The following PRDM5 variants were observed in gnomAD, a reference collection of about 807,000 sequenced individuals.
The protein encoded by PRDM5 is PR/SET domain 5.
Under a neutral mutation model 81.2 loss-of-function variants are expected in PRDM5, and 56 were observed. The observed-to-expected ratio is 0.69, with a 90% confidence interval of 0.56 to 0.86. PRDM5 has a LOEUF of 0.86. Ranked by LOEUF, PRDM5 falls within the 40% of genes least tolerant of loss-of-function variation. The pLI is 0.00. For synonymous variants in PRDM5, 267 were observed against 256.4 expected, an observed-to-expected ratio of 1.04 and a Z score of -0.39; for missense variants, 697 against 770.1, an observed-to-expected ratio of 0.91 and a Z score of 1.12.
Position 120,699,171 on chromosome 4 carries a change from T to A in PRDM5, c.1729-3896A>T, listed in dbSNP as rs1384945771. ...ATTATAGGAAATATAAATATATATA[T>A]ATATATATATATATATATATATATA... is the stretch of plus-strand genomic sequence containing the variant. On this transcript the variant is annotated intron_variant, in intron 15 of 15. Transcript: ENST00000264808. Among the ~76,000 whole-genome samples the A allele has an allele frequency of 8.8e-4, 27 of 30,714 alleles. No individual in the cohort carries two copies. The East Asian group carries it at 0.036, about 41-fold the overall frequency. The allele number at this position is 30,714 out of a possible 152,430, so 20.1% of individuals were successfully genotyped here. A position where few individuals can be genotyped will look rare whatever the true frequency, so the allele number is the denominator to read the frequency against.
chr4:120,922,048 T>C (rs904291822), intron 1 of PRDM5, among the ~76,000 whole-genome samples: 3 of 152,184 alleles, frequency 2.0e-5, no homozygotes, highest in African/African-American at 7.2e-5. Flanking sequence ...CATGGAAAGT[T>C]AGGCGTTTCT....
intron 1 of PRDM5, among the ~76,000 whole-genome samples, chr4:120,915,480 A>C (rs375705756): frequency 0.062 from 9,299 of 151,148 alleles, 366 homozygotes; most frequent in East Asian, 0.15. Context: ...GAACAAAGAG[A>C]CTTCCTCAGT....
At chr4:120,789,765 T>C (rs1176771025) in intron 10 of PRDM5, among the ~76,000 whole-genome samples, 1 of 152,124 alleles carries the variant, frequency 6.6e-6, no homozygotes, top group East Asian at 1.9e-4. Context: ...CAAAATAAAT[T>C]GAAACTGGAA....
At chr4:120,816,789 C>T in intron 6 of PRDM5, 43 bp downstream of exon 6, 1 of 1,567,362 alleles carries the variant, frequency 6.4e-7, no homozygotes, top group Non-Finnish European at 8.8e-7. Context: ...CAAAAAATGA[C>T]CCACAATTAT....
At chr4:120,772,721 G>A (rs1747476239) in intron 13 of PRDM5, among the ~76,000 whole-genome samples, 1 of 152,118 alleles carries the variant, frequency 6.6e-6, no homozygotes, top group Non-Finnish European at 1.5e-5. Context: ...ATTGGCCAGG[G>A]GGCCCTTCAA....
intron 14 of PRDM5, among the ~76,000 whole-genome samples, chr4:120,722,606 T>C (rs962683502): frequency 6.6e-6 from 1 of 152,094 alleles, no homozygotes; most frequent in Non-Finnish European, 1.5e-5. Context: ...TGGTCTGAGG[T>C]ATGGCCTGGG....
At chr4:120,873,296 G>T (rs927426367) in intron 2 of PRDM5, among the ~76,000 whole-genome samples, 1 of 151,976 alleles carries the variant, frequency 6.6e-6, no homozygotes, top group Non-Finnish European at 1.5e-5. Flanking sequence ...GAGCCACCAC[G>T]CCCTGACCAC....
chr4:120,725,947 G>A (rs1478502367), intron 14 of PRDM5, among the ~76,000 whole-genome samples: 1 of 151,984 alleles, frequency 6.6e-6, no homozygotes, highest in East Asian at 1.9e-4. Context: ...CATCCCACTG[G>A]CAGAACAAGC....
rs1488264951 is a variant in PRDM5 at position 120,888,025 on chromosome 4, C to T, written c.177+19449G>A. Among the ~76,000 whole-genome samples, 2 of 56,142 alleles carry T rather than the reference C, an allele frequency of 3.6e-5. 1 individual carries two copies. Among genetic ancestry groups the T allele is most frequent in the Non-Finnish European group, 6.3e-5 (2 of 31,968 alleles). The allele number at this position is 56,142 out of a possible 152,430, so 36.8% of individuals were successfully genotyped here. A position where few individuals can be genotyped will look rare whatever the true frequency, so the allele number is the denominator to read the frequency against. ...GCCGGGATGGTCTCGATCTCCTGAC[C>T]TCGTGATCCGCCCGCCTCGGCCTCC... On this transcript the variant is annotated intron_variant, in intron 2 of 15. Coordinates refer to ENST00000264808, the MANE Select transcript of PRDM5 (RefSeq NM_018699.4).
chr4:120,717,902 C>CA (rs1738029004), intron 14 of PRDM5, among the ~76,000 whole-genome samples: 1 of 132,196 alleles, frequency 7.6e-6, no homozygotes, highest in African/African-American at 2.7e-5. Flanking sequence ...AAAGGTGTCA[C>CA]AAAATCATAG....
chr4:120,805,856 A>G (rs1652046121), intron 8 of PRDM5, among the ~76,000 whole-genome samples: 1 of 152,172 alleles, frequency 6.6e-6, no homozygotes, highest in Non-Finnish European at 1.5e-5. Context: ...GGCCAGGGCA[A>G]TCAGGCAGGA....
intron 14 of PRDM5, among the ~76,000 whole-genome samples, chr4:120,734,587 A>G (rs565264706): frequency 7.2e-5 from 11 of 152,192 alleles, no homozygotes; most frequent in Middle Eastern, 6.8e-3. Context: ...AGAGCATGTG[A>G]TTTTTCCCAG....
At chr4:120,844,314 T>C (rs1489084823) in intron 3 of PRDM5, among the ~76,000 whole-genome samples, 2 of 152,218 alleles carry the variant, frequency 1.3e-5, no homozygotes, top group Non-Finnish European at 2.9e-5. Context: ...CTTTGTTTAC[T>C]TGCACTTTGC....
chr4:120,895,883 C>G (rs1340767270), intron 2 of PRDM5, among the ~76,000 whole-genome samples: 2 of 152,160 alleles, frequency 1.3e-5, no homozygotes, highest in Non-Finnish European at 2.9e-5. Context: ...TTGTTGCAAT[C>G]TCTTCCCTGA....
At chr4:120,911,205 T>A (rs549119180) in intron 1 of PRDM5, among the ~76,000 whole-genome samples, 39 of 152,340 alleles carry the variant, frequency 2.6e-4, no homozygotes, top group African/African-American at 9.1e-4. Context: ...TGAATGTTGC[T>A]GTATCACCAT....
intron 2 of PRDM5, among the ~76,000 whole-genome samples, chr4:120,887,299 T>G (rs112507080): frequency 6.6e-6 from 1 of 152,102 alleles, no homozygotes; most frequent in Non-Finnish European, 1.5e-5. Flanking sequence ...GTTAGTTACC[T>G]TCAACACACA....
chr4:120,904,200 AAAAAAC>A lies in PRDM5; in HGVS notation c.177+3268_177+3273del, dbSNP rs1441654353. The stretch of plus-strand genomic sequence containing the variant: ...GGGAGACTCCTTCTCAAAAAAAAAA[AAAAAAC>A]AAAAAAACCTCCTTCCTTTATAAAT... On this transcript the variant is annotated intron_variant, in intron 2 of 15. Coordinates refer to ENST00000264808, the MANE Select transcript of PRDM5 (RefSeq NM_018699.4). 2.1e-3 allele frequency among the ~76,000 whole-genome samples: 302 copies of A among 146,120 alleles called. 12 individuals carry two copies. Among genetic ancestry groups the A allele is most frequent in the African/African-American group, 7.1e-3 (279 of 39,466 alleles).
chr4:120,897,920 T>C (rs1764828369), intron 2 of PRDM5, among the ~76,000 whole-genome samples: 1 of 152,228 alleles, frequency 6.6e-6, no homozygotes, highest in Non-Finnish European at 1.5e-5. Context: ...CAATCAACAT[T>C]TGAAATATCC....
At chr4:120,741,386 T>C (rs1026494112) in intron 14 of PRDM5, among the ~76,000 whole-genome samples, 4 of 151,800 alleles carry the variant, frequency 2.6e-5, no homozygotes, top group African/African-American at 9.7e-5. Flanking sequence ...ATCAGCTTGA[T>C]GTATTGGTCA....
Sources: allele counts gnomAD v4.1 joint callset (sites outside exome capture counted in the v4.1 genomes callset), GRCh38; gene constraint gnomAD v4.1.1; transcripts MANE v1.5; gene names NCBI Gene and HGNC (gene_info 2026-07-23, HGNC 2026-07-21).